Variants in SYNJ2BP observed in about 807,000 individuals in gnomAD.
SYNJ2BP encodes synaptojanin-2-binding protein.
A neutral mutation model predicts 16.9 loss-of-function variants in SYNJ2BP; 10 were observed. That is an observed-to-expected ratio of 0.59 (90% CI 0.36 to 1.00). SYNJ2BP has a LOEUF of 1.00. Among genes scored for constraint, SYNJ2BP ranks in the 50% least tolerant of loss-of-function variants. SYNJ2BP has a pLI of 0.01. For synonymous variants in SYNJ2BP, 54 were observed against 68.4 expected, an observed-to-expected ratio of 0.79 and a Z score of 1.04; for missense variants, 162 against 186.7, an observed-to-expected ratio of 0.87 and a Z score of 0.77.
chr14:70,408,183 A>G (rs1421130553), intron 1 of SYNJ2BP, among the ~76,000 whole-genome samples: 1 of 151,994 alleles, frequency 6.6e-6, no homozygotes, highest in African/African-American at 2.4e-5. Context: ...AAGGAGGGAA[A>G]AAGAGAAACA....
chr14:70,406,058 C>T (rs1594959581), intron 1 of SYNJ2BP, among the ~76,000 whole-genome samples: 1 of 152,160 alleles, frequency 6.6e-6, no homozygotes. Flanking sequence ...CTAACTTTAA[C>T]CCTTTTCCAA....
intron 1 of SYNJ2BP, among the ~76,000 whole-genome samples, chr14:70,410,622 C>T (rs1399507247): frequency 6.6e-6 from 1 of 152,058 alleles, no homozygotes; most frequent in Admixed American, 6.6e-5. Flanking sequence ...CCTAAATGCC[C>T]ATCAATGGTA....
chr14:70,392,226 A>G (rs1887994113), intron 1 of SYNJ2BP, among the ~76,000 whole-genome samples: 2 of 152,224 alleles, frequency 1.3e-5, no homozygotes, highest in African/African-American at 4.8e-5. Flanking sequence ...GCATTACGTT[A>G]TGCTCTGAGG....
chr14:70,381,735 C>T (rs1424107955), intron 2 of SYNJ2BP, among the ~76,000 whole-genome samples: 1 of 152,224 alleles, frequency 6.6e-6, no homozygotes, highest in African/African-American at 2.4e-5. Flanking sequence ...TGCACTTTAA[C>T]ACTCCTTCAA....
intron 1 of SYNJ2BP, among the ~76,000 whole-genome samples, chr14:70,400,344 T>G (rs947983738): frequency 6.6e-6 from 1 of 152,218 alleles, no homozygotes; most frequent in African/African-American, 2.4e-5. Context: ...GACATTTGGA[T>G]TTTTGAAGTC....
At position 70,388,525 on chromosome 14, in the gene SYNJ2BP, T is replaced by G. The variant is rs1887909228; in HGVS notation, c.146A>C (p.Glu49Ala). Residue 49 changes from glutamate (E) to alanine (A), a missense_variant, in exon 2 of 4, where the codon GAA (glutamate) becomes GCA (alanine). Glu to Ala is a moderately radical substitution (Grantham distance 107). Transcript: ENST00000256366. Reference sequence around the variant, plus strand: ...CCCATCCAGGGCCGCAGCCCCATTTTCTTTGATGCGGCTGACGTAGATGCC... The same window carrying G: ...CCCATCCAGGGCCGCAGCCCCATTTGCTTTGATGCGGCTGACGTAGATGCC... Reference protein sequence around the residue: ...DSGIYVSRIKENGAAALDGRL... With the variant: ...DSGIYVSRIKANGAAALDGRL... 1 of 1,599,884 alleles carries G rather than the reference T, an allele frequency of 6.3e-7. No homozygotes were observed. Among genetic ancestry groups the G allele is most frequent in the Non-Finnish European group, 8.5e-7 (1 of 1,173,466 alleles).
intron 1 of SYNJ2BP, among the ~76,000 whole-genome samples, chr14:70,414,374 G>T (rs1888556124): frequency 6.6e-6 from 1 of 152,144 alleles, no homozygotes; most frequent in East Asian, 1.9e-4. Context: ...ATGTGATACA[G>T]AAATCAAACC....
chr14:70,375,838 A>G, intron 2 of SYNJ2BP, 67 bp from the exon 3 acceptor site: 1 of 1,589,696 alleles, frequency 6.3e-7, no homozygotes, highest in Non-Finnish European at 8.6e-7. Flanking sequence ...TTATTTTCAA[A>G]TGGCCAAACT....
At chr14:70,407,204 G>GGATCATGAAGTCAGAA (rs1888364621) in intron 1 of SYNJ2BP, among the ~76,000 whole-genome samples, 1 of 152,166 alleles carries the variant, frequency 6.6e-6, no homozygotes, top group Non-Finnish European at 1.5e-5. Flanking sequence ...CGAGGCAGGT[G>GGATCATGAAGTCAGAA]GATCATGAAG....
intron 2 of SYNJ2BP, among the ~76,000 whole-genome samples, chr14:70,380,295 C>A (rs1594943685): frequency 2.0e-5 from 3 of 152,162 alleles, no homozygotes; most frequent in Admixed American, 1.3e-4. Flanking sequence ...TACTGCCTAT[C>A]ACATATATGT....
intron 1 of SYNJ2BP, among the ~76,000 whole-genome samples, chr14:70,409,812 T>C (rs1236905100): frequency 1.3e-5 from 2 of 152,192 alleles, no homozygotes; most frequent in African/African-American, 4.8e-5. Context: ...CTTCTCTTTA[T>C]TTAAAACATC....
At chr14:70,413,765 G>T (rs935186461) in intron 1 of SYNJ2BP, among the ~76,000 whole-genome samples, 1 of 152,204 alleles carries the variant, frequency 6.6e-6, no homozygotes, top group Non-Finnish European at 1.5e-5. Flanking sequence ...GCAGTAAGCA[G>T]ATCAGTCAGG....
At position 70,371,941 on chromosome 14, in the gene SYNJ2BP, T is replaced by C. The variant is rs1887526594; in HGVS notation, c.*1050A>G. On this transcript the variant is annotated 3_prime_UTR_variant, in exon 4 of 4. Transcript: ENST00000256366. ...ACAATCATTCCACCTGGTTCTTCAA[T>C]AGGACTCTGAGGTATCAAAAAAGTC... 6.6e-6 allele frequency: 1 copy of C among 152,222 alleles called. No individual in the cohort carries two copies. Among genetic ancestry groups the C allele is most frequent in the Non-Finnish European group, 1.5e-5 (1 of 68,068 alleles). The allele number at this position is 152,222 out of a possible 1,614,324, so 9.4% of individuals were successfully genotyped here. A position where few individuals can be genotyped will look rare whatever the true frequency, so the allele number is the denominator to read the frequency against.
chr14:70,369,901 A>C lies in SYNJ2BP; in HGVS notation c.*3090T>G, dbSNP rs1349998742. On this transcript the variant is annotated 3_prime_UTR_variant, in exon 4 of 4. Coordinates refer to ENST00000256366, the MANE Select transcript of SYNJ2BP (RefSeq NM_018373.3). ...GAACGTAATAATTTAGGTAGTAGGA[A>C]CATTAGATGCAATCTATAGAAGAAA... The C allele has an allele frequency of 6.6e-6, 1 of 152,222 alleles. No individual in the cohort carries two copies. The allele number at this position is 152,222 out of a possible 1,614,324, so 9.4% of individuals were successfully genotyped here. A position where few individuals can be genotyped will look rare whatever the true frequency, so the allele number is the denominator to read the frequency against.
chr14:70,376,686 CATT>C (rs1450892244), intron 2 of SYNJ2BP, among the ~76,000 whole-genome samples: 2 of 152,322 alleles, frequency 1.3e-5, no homozygotes, highest in South Asian at 4.1e-4. Flanking sequence ...ATGAGGTAGA[CATT>C]ATTTTTATCT....
rs909974062 is a variant in SYNJ2BP at position 70,369,614 on chromosome 14, G to A, written c.*3377C>T. The A allele has an allele frequency of 1.1e-4, 17 of 152,140 alleles. No homozygotes were observed. Among genetic ancestry groups the A allele is most frequent in the Non-Finnish European group, 2.5e-4 (17 of 68,040 alleles). 9.4% of individuals were successfully genotyped at this position (152,140 alleles called of 1,614,324 possible). A position where few individuals can be genotyped will look rare whatever the true frequency, so the allele number is the denominator to read the frequency against. Reference sequence around the variant, plus strand: ...GACAATACTTAGATCCCAGAGTTATGAGACATGAAATAATGTACCAATCAG... The same window carrying A: ...GACAATACTTAGATCCCAGAGTTATAAGACATGAAATAATGTACCAATCAG... On this transcript the variant is annotated 3_prime_UTR_variant, in exon 4 of 4. Coordinates refer to ENST00000256366, the MANE Select transcript of SYNJ2BP (RefSeq NM_018373.3).
intron 1 of SYNJ2BP, among the ~76,000 whole-genome samples, chr14:70,403,643 A>G (rs1888287263): frequency 6.6e-6 from 1 of 152,194 alleles, no homozygotes; most frequent in Non-Finnish European, 1.5e-5. Context: ...ATGGTCTAAA[A>G]AGGGGAGGCA....
At chr14:70,392,953 A>G (rs1888010929) in intron 1 of SYNJ2BP, among the ~76,000 whole-genome samples, 1 of 152,232 alleles carries the variant, frequency 6.6e-6, no homozygotes. Context: ...ACAAAAGCCA[A>G]AATTGACAAA....
chr14:70,388,694 A>C, intron 1 of SYNJ2BP, 88 bp from the exon 2 acceptor site: 1 of 1,380,346 alleles, frequency 7.2e-7, no homozygotes, highest in Non-Finnish European at 9.4e-7. Flanking sequence ...GGGAAAGCCT[A>C]CTGGGGAGGA....
Sources: allele counts gnomAD v4.1 joint callset (sites outside exome capture counted in the v4.1 genomes callset), GRCh38; gene constraint gnomAD v4.1.1; transcripts MANE v1.5; gene names NCBI Gene and HGNC (gene_info 2026-07-23, HGNC 2026-07-21).